Variants in UNC79 observed in about 807,000 individuals in gnomAD.
The protein encoded by UNC79 is unc-79 subunit of NALCN channel complex.
In UNC79, 37 loss-of-function variants were observed where a neutral mutation model predicts 283.1. That is an observed-to-expected ratio of 0.13 (90% CI 0.10 to 0.17). UNC79 has a LOEUF of 0.17. Ranked by LOEUF, UNC79 falls within the 10% of genes least tolerant of loss-of-function variation. UNC79 has a pLI of 1.00. For synonymous variants in UNC79, 1,107 were observed against 1,200.2 expected, an observed-to-expected ratio of 0.92 and a Z score of 1.61; for missense variants, 2,272 against 3,211.1, an observed-to-expected ratio of 0.71 and a Z score of 7.07.
At chr14:93,421,615 C>G (rs970335576) in intron 1 of UNC79, among the ~76,000 whole-genome samples, 2 of 151,340 alleles carry the variant, frequency 1.3e-5, no homozygotes, top group African/African-American at 2.4e-5. Context: ...GCCAATATTA[C>G]CCTGATACTA....
intron 1 of UNC79, among the ~76,000 whole-genome samples, chr14:93,382,239 C>T (rs2054679293): frequency 6.6e-6 from 1 of 152,254 alleles, no homozygotes; most frequent in Non-Finnish European, 1.5e-5. Flanking sequence ...TATTTCCACC[C>T]ACCCTGTTCC....
At chr14:93,504,830 C>A (rs564665771) in intron 7 of UNC79, among the ~76,000 whole-genome samples, 2 of 152,044 alleles carry the variant, frequency 1.3e-5, no homozygotes, top group East Asian at 3.9e-4. Context: ...TTTCTCAATC[C>A]ATAAGCCTTT....
At chr14:93,467,708 C>T in exon 2 of UNC79, 1 of 1,282,344 alleles carries the variant, frequency 7.8e-7, no homozygotes, top group Non-Finnish European at 1.0e-6. Context: ...AATATCATAA[C>T]CGGGTTCTCC....
At chr14:93,366,424 G>C (rs553809718) in intron 1 of UNC79, among the ~76,000 whole-genome samples, 1 of 151,984 alleles carries the variant, frequency 6.6e-6, no homozygotes, top group Non-Finnish European at 1.5e-5. Flanking sequence ...GCCAGAGCAG[G>C]GTCCTATGGA....
chr14:93,423,989 A>G (rs137917684), intron 1 of UNC79, among the ~76,000 whole-genome samples: 2,065 of 152,330 alleles, frequency 0.014, 57 homozygotes, highest in African/African-American at 0.048. Flanking sequence ...TAACGAGAAT[A>G]TATAAGGAGT....
chr14:93,665,591 G>A (rs1375465625), intron 40 of UNC79, among the ~76,000 whole-genome samples: 2 of 151,926 alleles, frequency 1.3e-5, no homozygotes, highest in Non-Finnish European at 2.9e-5. Flanking sequence ...TAATGTACAT[G>A]AGTAGGTATA....
chr14:93,531,594 T>C lies in UNC79; in HGVS notation c.1094-956T>C, dbSNP rs1411530471. The stretch of plus-strand genomic sequence containing the variant: ...CCGTGGGTTTGAAAATTGCTTTCTC[T>C]TAAATAACCCTACAGCTGGTTTTAC... On this transcript the variant is annotated intron_variant, in intron 10 of 48. Transcript: ENST00000555664. The surrounding 1 kb of genome is among the most constrained non-coding windows in gnomAD (Gnocchi z 4.2). Among the ~76,000 whole-genome samples, 1 of 152,250 alleles carries C rather than the reference T, an allele frequency of 6.6e-6. No individual in the cohort carries two copies. Among genetic ancestry groups the C allele is most frequent in the Non-Finnish European group, 1.5e-5 (1 of 68,040 alleles).
chr14:93,431,632 A>G lies in UNC79; in HGVS notation c.22+581A>G, dbSNP rs1225505162. On this transcript the variant is annotated intron_variant, in intron 1 of 48. Coordinates refer to ENST00000555664, the Ensembl canonical transcript of UNC79. ...ACCAATGTCAAAACCAACCACAACC[A>G]TGCGGTGCTTACAAGAAAGTGAAAG... 2.6e-5 allele frequency among the ~76,000 whole-genome samples: 4 copies of G among 152,206 alleles called. No homozygotes were observed. The East Asian group carries it at 7.7e-4, about 29-fold the overall frequency.
At chr14:93,363,236 G>A (rs1357806800) in intron 1 of UNC79, among the ~76,000 whole-genome samples, 1 of 152,172 alleles carries the variant, frequency 6.6e-6, no homozygotes, top group Non-Finnish European at 1.5e-5. Context: ...AAGTCATTCA[G>A]GAGGAGATTG....
intron 1 of UNC79, among the ~76,000 whole-genome samples, chr14:93,403,731 C>A (rs1445867858): frequency 6.6e-6 from 1 of 151,974 alleles, no homozygotes; most frequent in Non-Finnish European, 1.5e-5. Flanking sequence ...TTTTATCAAC[C>A]ACAAGAAGAA....
At chr14:93,483,519 TC>T (rs2058247576) in intron 4 of UNC79, among the ~76,000 whole-genome samples, 1 of 133,052 alleles carries the variant, frequency 7.5e-6, no homozygotes, top group Non-Finnish European at 1.6e-5. Context: ...GACCTGTCTG[TC>T]TTTTTTTTTT....
In UNC79 at chr14:93,621,972, A is replaced by C. The variant is rs2067174944; in HGVS notation, c.4739A>C (p.Glu1580Ala). Residue 1580 changes from glutamate (E) to alanine (A), a missense_variant, in exon 30 of 49, where the codon GAG becomes GCG. Transcript: ENST00000555664. The surrounding 1 kb of genome is among the most constrained non-coding windows in gnomAD (Gnocchi z 4.8). ...GATGCTCGAAGGCCTGTCATACCAG[A>C]GGTTAGGTTAAACTGTATGGAGACT... 1 of 1,613,864 alleles carries C rather than the reference A, an allele frequency of 6.2e-7. No homozygotes were observed. Among genetic ancestry groups the C allele is most frequent in the South Asian group, 1.1e-5 (1 of 91,046 alleles).
intron 1 of UNC79, among the ~76,000 whole-genome samples, chr14:93,388,076 A>G (rs1040399787): frequency 6.6e-6 from 1 of 151,670 alleles, no homozygotes; most frequent in Non-Finnish European, 1.5e-5. Flanking sequence ...TGAGCCATGC[A>G]CTGCACATGG....
chr14:93,595,012 G>A (rs2064967649), intron 23 of UNC79, among the ~76,000 whole-genome samples: 1 of 151,532 alleles, frequency 6.6e-6, no homozygotes, highest in South Asian at 2.1e-4. Flanking sequence ...AGCACATCAT[G>A]TTGTGGAGGG....
At chr14:93,423,543 A>G (rs961269079) in intron 1 of UNC79, among the ~76,000 whole-genome samples, 12 of 152,190 alleles carry the variant, frequency 7.9e-5, no homozygotes, top group African/African-American at 2.7e-4. Context: ...AGAACAGAGA[A>G]CCTGGAGATA....
intron 35 of UNC79, among the ~76,000 whole-genome samples, chr14:93,648,164 A>G (rs1478149697): frequency 6.6e-6 from 1 of 152,234 alleles, no homozygotes; most frequent in Non-Finnish European, 1.5e-5. Context: ...GTCAAGCCAG[A>G]TGAATGAGCT....
intron 1 of UNC79, among the ~76,000 whole-genome samples, chr14:93,384,593 G>C (rs1365787954): frequency 6.6e-6 from 1 of 152,084 alleles, no homozygotes; most frequent in Non-Finnish European, 1.5e-5. Context: ...TATATATTCT[G>C]GCTCTGAATC....
In UNC79 at chr14:93,459,055, G is replaced by A. The variant is rs147405499; in HGVS notation, c.23-8616G>A. Among the ~76,000 whole-genome samples, 75 of 152,318 alleles carry A rather than the reference G, an allele frequency of 4.9e-4. 2 individuals carry two copies. In the East Asian group the frequency reaches 0.013, roughly 26 times the overall value. On this transcript the variant is annotated intron_variant, in intron 1 of 48. Transcript: ENST00000555664. ...ACTCAAGGCTGCAGTGCCGTGGCGT[G>A]ATCTCAGCTCACTGCAACCTCTGCC...
chr14:93,622,714 C>G (rs749708792), exon 30 of UNC79: 1 of 1,614,076 alleles, frequency 6.2e-7, no homozygotes, highest in Non-Finnish European at 8.5e-7. Context: ...CTGAGGAATC[C>G]GAATTTAAGA....
Sources: gnomAD v4.1 joint callset for allele counts (sites outside exome capture counted in the v4.1 genomes callset) on GRCh38, gnomAD v4.1.1 for gene constraint, Gnocchi (gnomAD v3.1) non-coding constraint, MANE v1.5 for transcripts, NCBI Gene and HGNC (gene_info 2026-07-23, HGNC 2026-07-21) for gene names.